LMBRD1: variants seen among roughly 807,000 people sequenced by gnomAD.
LMBRD1 encodes the protein LMBR1 domain containing 1.
Under a neutral mutation model 74.8 loss-of-function variants are expected in LMBRD1, and 64 were observed. That is an observed-to-expected ratio of 0.86 (90% CI 0.70 to 1.05). The LOEUF (loss-of-function observed/expected upper bound fraction) is 1.05. LMBRD1 is among the 50% of genes least tolerant of loss of function. The pLI, the probability that LMBRD1 is intolerant of heterozygous loss-of-function variation, is 0.00. For missense variants in LMBRD1, 652 were observed against 645.9 expected (o/e 1.01, Z -0.10); for synonymous variants, 204 against 216.3 (o/e 0.94, Z 0.50).
intron 3 of LMBRD1, among the ~76,000 whole-genome samples, chr6:69,756,568 A>C (rs1226945251): frequency 1.3e-5 from 2 of 152,112 alleles, no homozygotes; most frequent in African/African-American, 4.8e-5. Flanking sequence ...ACTGTAAAAA[A>C]CTGTTTAGTA....
intron 7 of LMBRD1, among the ~76,000 whole-genome samples, chr6:69,732,730 T>C (rs1160428178): frequency 6.6e-6 from 1 of 152,198 alleles, no homozygotes; most frequent in Non-Finnish European, 1.5e-5. Flanking sequence ...TAAAGTTTTA[T>C]GGATAGAGGT....
chr6:69,753,140 C>A (rs1765199489), intron 3 of LMBRD1, among the ~76,000 whole-genome samples: 1 of 150,882 alleles, frequency 6.6e-6, no homozygotes, highest in South Asian at 2.1e-4. Flanking sequence ...TTTTAACCAG[C>A]AGTCAGTCAA....
intron 1 of LMBRD1, among the ~76,000 whole-genome samples, chr6:69,794,578 A>T (rs1347063883): frequency 6.6e-6 from 1 of 152,244 alleles, no homozygotes; most frequent in African/African-American, 2.4e-5. Flanking sequence ...AACAAAGGGA[A>T]TCTATCACTT....
intron 1 of LMBRD1, among the ~76,000 whole-genome samples, chr6:69,793,283 G>A (rs1397494047): frequency 6.6e-6 from 1 of 152,190 alleles, no homozygotes; most frequent in Non-Finnish European, 1.5e-5. Context: ...CTGATGAAAG[G>A]TCAAGTTTGC....
At chr6:69,728,551 T>C (rs1476330444) in intron 7 of LMBRD1, among the ~76,000 whole-genome samples, 3 of 152,190 alleles carry the variant, frequency 2.0e-5, no homozygotes, top group African/African-American at 7.2e-5. Flanking sequence ...TTAGGTTCCC[T>C]GAATGCACTA....
chr6:69,702,341 T>G (rs570263896), intron 9 of LMBRD1, among the ~76,000 whole-genome samples: 1 of 151,556 alleles, frequency 6.6e-6, no homozygotes, highest in African/African-American at 2.4e-5. Flanking sequence ...TATTACCCTG[T>G]TAGTTAAAAT....
chr6:69,694,312 G>A (rs1765949651), intron 14 of LMBRD1, among the ~76,000 whole-genome samples: 1 of 152,006 alleles, frequency 6.6e-6, no homozygotes, highest in African/African-American at 2.4e-5. Context: ...AGACCTTCAA[G>A]GTCATTGACT....
At chr6:69,780,252 G>T (rs1765801184) in intron 3 of LMBRD1, among the ~76,000 whole-genome samples, 1 of 151,800 alleles carries the variant, frequency 6.6e-6, no homozygotes, top group Admixed American at 6.6e-5. Flanking sequence ...TGGCAGGTGG[G>T]GTTCCCTCTC....
chr6:69,772,986 G>T lies in LMBRD1; in HGVS notation c.307+7508C>A, dbSNP rs565557213. On this transcript the variant is annotated intron_variant, in intron 3 of 15. Coordinates refer to ENST00000649934, the MANE Select transcript of LMBRD1 (RefSeq NM_018368.4). ...TCACACTCCTAACCTTACGAAGTAG[G>T]TACTACTTTATCACCATTTCACAGG... 6.6e-5 allele frequency among the ~76,000 whole-genome samples: 10 copies of T among 152,210 alleles called. No individual in the cohort carries two copies. The East Asian group carries it at 1.7e-3, about 26-fold the overall frequency.
chr6:69,739,800 G>T (rs917195015), intron 6 of LMBRD1, among the ~76,000 whole-genome samples: 1 of 116,142 alleles, frequency 8.6e-6, no homozygotes, highest in African/African-American at 3.8e-5. Flanking sequence ...TACATATAAA[G>T]CATTTTTTTT....
intron 5 of LMBRD1, among the ~76,000 whole-genome samples, chr6:69,742,265 T>C (rs993818176): frequency 1.3e-5 from 2 of 152,166 alleles, no homozygotes; most frequent in Non-Finnish European, 2.9e-5. Context: ...TGTAAACATA[T>C]GCAATTATTT....
chr6:69,707,191 G>T (rs1766277856), intron 9 of LMBRD1, among the ~76,000 whole-genome samples: 1 of 152,088 alleles, frequency 6.6e-6, no homozygotes, highest in East Asian at 1.9e-4. Flanking sequence ...ACCAGTCATG[G>T]CAAGTCAGGT....
At chr6:69,720,391 A>G (rs1766588382) in intron 7 of LMBRD1, among the ~76,000 whole-genome samples, 2 of 152,168 alleles carry the variant, frequency 1.3e-5, no homozygotes, top group Non-Finnish European at 2.9e-5. Flanking sequence ...TAGTATTCTC[A>G]TTATTTCCCT....
rs1170290392 is a variant in LMBRD1, at chr6:69,674,957, G to A, written c.*1201C>T. Among the ~76,000 whole-genome samples the A allele has an allele frequency of 1.3e-5, 2 of 152,034 alleles. No homozygotes were observed. Among genetic ancestry groups the A allele is most frequent in the Non-Finnish European group, 2.9e-5 (2 of 68,000 alleles). On this transcript the variant is annotated 3_prime_UTR_variant, in exon 16 of 16. Transcript: ENST00000649934. ...CATTGCACTCCAGCCTGGGCGACAA[G>A]AGTGAAACTCCATCTTAAAAAAAAA...
chr6:69,683,524 T>C (rs764625995), intron 14 of LMBRD1, among the ~76,000 whole-genome samples: 1 of 152,086 alleles, frequency 6.6e-6, no homozygotes, highest in Admixed American at 6.5e-5. Context: ...TTAGAAATAG[T>C]TCGATCTCAT....
intron 5 of LMBRD1, among the ~76,000 whole-genome samples, chr6:69,742,394 A>G (rs1349261368): frequency 1.3e-5 from 2 of 152,180 alleles, no homozygotes; most frequent in Admixed American, 6.5e-5. Context: ...TCTATCCAAC[A>G]GACACAATGA....
At chr6:69,698,865 A>G (rs959105384) in intron 13 of LMBRD1, among the ~76,000 whole-genome samples, 178 bp downstream of exon 13, 1 of 151,956 alleles carries the variant, frequency 6.6e-6, no homozygotes, top group African/African-American at 2.4e-5. Context: ...TTTCAAAAAA[A>G]CAACAGTATG....
chr6:69,788,804 T>G lies in LMBRD1; in HGVS notation c.246+1492A>C, dbSNP rs1038287654. Reference sequence around the variant, plus strand: ...ATTTACTAGGCTACCTGAAAATATCTCTTACTTGTTTAGAAGCCATCTTCC... The same window carrying G: ...ATTTACTAGGCTACCTGAAAATATCGCTTACTTGTTTAGAAGCCATCTTCC... On this transcript the variant is annotated intron_variant, in intron 2 of 15. Coordinates refer to ENST00000649934, the MANE Select transcript of LMBRD1 (RefSeq NM_018368.4). Among the ~76,000 whole-genome samples the G allele has an allele frequency of 2.0e-5, 3 of 152,224 alleles. No homozygotes were observed. The East Asian group carries it at 5.8e-4, about 29-fold the overall frequency.
chr6:69,756,362 C>CA (rs57798368), intron 3 of LMBRD1, among the ~76,000 whole-genome samples: 9,624 of 110,254 alleles, frequency 0.087, 353 homozygotes, highest in Middle Eastern at 0.13. Flanking sequence ...GACTCAATCT[C>CA]AAAAAAAAAA....
Sources: allele counts gnomAD v4.1 joint callset (sites outside exome capture counted in the v4.1 genomes callset), GRCh38; gene constraint gnomAD v4.1.1; transcripts MANE v1.5; gene names NCBI Gene and HGNC (gene_info 2026-07-23, HGNC 2026-07-21).